Variants in PODXL observed in about 807,000 individuals in gnomAD.
PODXL encodes podocalyxin.
Under a neutral mutation model 48.9 loss-of-function variants are expected in PODXL, and 20 were observed. The ratio of observed to expected loss-of-function variants is 0.41; its 90% CI spans 0.29 to 0.59. The LOEUF is 0.59. Among genes scored for constraint, PODXL ranks in the 20% least tolerant of loss-of-function variants. The pLI, the probability that PODXL is intolerant of heterozygous loss-of-function variation, is 0.31. For synonymous variants in PODXL, 295 were observed against 287.4 expected (o/e 1.03, Z -0.27); for missense variants, 606 against 675.1 (o/e 0.90, Z 1.13).
chr7:131,556,488 C>T lies in PODXL; in HGVS notation c.-129G>A. The T allele has an allele frequency of 8.9e-7, 1 of 1,123,540 alleles. No homozygotes were observed. The highest frequency in any genetic ancestry group is 1.1e-6 in the Non-Finnish European group (1 of 886,242). The allele number at this position is 1,123,540 out of a possible 1,614,324, so 69.6% of individuals were successfully genotyped here. ...TGGCTCCGGAGGCCAGGCTGTGGCC[C>T]GGGGCTCCCGAGTCGCGCTGCGGCG... is the stretch of plus-strand genomic sequence containing the variant. On this transcript the variant is annotated 5_prime_UTR_variant, in exon 1 of 9. Coordinates refer to ENST00000378555, the MANE Select transcript of PODXL (RefSeq NM_001018111.3).
intron 1 of PODXL, among the ~76,000 whole-genome samples, chr7:131,527,892 G>A (rs955084873): frequency 4.7e-5 from 7 of 147,972 alleles, no homozygotes; most frequent in African/African-American, 1.8e-4. Context: ...TCACTGGATA[G>A]TCAGACACTT....
intron 8 of PODXL, 32 bp downstream of exon 8, chr7:131,505,814 GTTCCTCTGGTGACCTGGGCTGC>G: frequency 6.7e-7 from 1 of 1,483,768 alleles, no homozygotes. Context: ...CGAGGGGAGG[GTTCCTCTGGTGACCTGGGCTGC>G]TTCCCCTGTG....
intron 1 of PODXL, among the ~76,000 whole-genome samples, chr7:131,554,897 G>A (rs2116878100): frequency 6.6e-6 from 1 of 152,308 alleles, no homozygotes; most frequent in East Asian, 1.9e-4. Flanking sequence ...TGCATGTCGT[G>A]TGGCTCTTCA....
chr7:131,511,160 C>T lies in PODXL; in HGVS notation c.374G>A (p.Ser125Asn), dbSNP rs1446271140. Residue 125 changes from serine to asparagine, a missense_variant, in exon 2 of 9, where the codon AGC becomes AAC. Transcript: ENST00000378555. ...TGTAGTGGTGTCTGCACTTTTTGTG[C>T]TCTTGGGGCTCTCGATGGTGGTAGT... ...NPTTTIESPK[S>N]TKSADTTTVA... 1 of 1,613,860 alleles carries T rather than the reference C, an allele frequency of 6.2e-7. No homozygotes were observed. The highest frequency in any genetic ancestry group is 1.1e-5 in the South Asian group (1 of 91,028).
chr7:131,506,132 C>A (rs1797796387), intron 7 of PODXL, 97 bp from the exon 8 acceptor site: 3 of 1,546,064 alleles, frequency 1.9e-6, no homozygotes, highest in African/African-American at 1.4e-5. Context: ...CTGCTAGGGT[C>A]CGTGCCGCCG....
At position 131,550,448 on chromosome 7, in the gene PODXL, C is replaced by A. The variant is rs190460891; in HGVS notation, c.100+5812G>T. On this transcript the variant is annotated intron_variant, in intron 1 of 8. Coordinates refer to ENST00000378555, the MANE Select transcript of PODXL (RefSeq NM_001018111.3). ...GGTGGGCAGATCACTCAAGGTTAGG[C>A]GTTCAAGACCAGCCTGGCCAACATG... 9.9e-5 allele frequency among the ~76,000 whole-genome samples: 15 copies of A among 152,130 alleles called. No homozygotes were observed. The South Asian group carries it at 3.1e-3, about 32-fold the overall frequency.
In PODXL at chr7:131,500,316, A is replaced by ATATT. The variant is rs1797677903; in HGVS notation, c.*3991_*3994dup. The ATATT allele has an allele frequency of 6.6e-6, 1 of 152,612 alleles. No homozygotes were observed. The highest frequency in any genetic ancestry group is 1.5e-5 in the Non-Finnish European group (1 of 68,036). 9.5% of individuals were successfully genotyped at this position (152,612 alleles called of 1,614,324 possible). A position where few individuals can be genotyped will look rare whatever the true frequency, so the allele number is the denominator to read the frequency against. The stretch of plus-strand genomic sequence containing the variant: ...TTGACAGTATACAATTTTCCAAAAT[A>ATATT]TATTTTTGTAAGAAAATGCAATAAT... On this transcript the variant is annotated 3_prime_UTR_variant, in exon 9 of 9. Coordinates refer to ENST00000378555, the MANE Select transcript of PODXL (RefSeq NM_001018111.3).
At position 131,502,363 on chromosome 7, in the gene PODXL, G is replaced by A. The variant is rs1797720485; in HGVS notation, c.*1948C>T. 6.6e-6 allele frequency: 1 copy of A among 152,202 alleles called. No homozygotes were observed. The highest frequency in any genetic ancestry group is 1.5e-5 in the Non-Finnish European group (1 of 68,078). The allele number at this position is 152,202 out of a possible 1,614,324, so 9.4% of individuals were successfully genotyped here. A position where few individuals can be genotyped will look rare whatever the true frequency, so the allele number is the denominator to read the frequency against. ...GGGCAGATGTTTTTGGAACTTGTTA[G>A]CCTCGCATCCCTCTAACTCCTGGGA... On this transcript the variant is annotated 3_prime_UTR_variant, in exon 9 of 9. Transcript: ENST00000378555.
chr7:131,523,389 A>G (rs1234818515), intron 1 of PODXL, among the ~76,000 whole-genome samples: 1 of 152,208 alleles, frequency 6.6e-6, no homozygotes, highest in African/African-American at 2.4e-5. Flanking sequence ...GCAAAATAAG[A>G]AAAACCATAT....
At chr7:131,554,584 T>G (rs759806338) in intron 1 of PODXL, among the ~76,000 whole-genome samples, 2 of 152,196 alleles carry the variant, frequency 1.3e-5, no homozygotes, top group African/African-American at 4.8e-5. Flanking sequence ...GTGCCATCCT[T>G]GAAGCCAGCA....
At chr7:131,511,538 G>C in intron 1 of PODXL, 105 bp from the exon 2 acceptor site, 1 of 1,207,622 alleles carries the variant, frequency 8.3e-7, no homozygotes, top group Non-Finnish European at 1.2e-6. Flanking sequence ...CAGCCCTGCT[G>C]TCTGCCTTGC....
chr7:131,503,146 C>G lies in PODXL; in HGVS notation c.*1165G>C, dbSNP rs1797737796. ...TAGAAAACAACTATAACAAAACTCTCAGCAACTTGAAATGTCCCTGAGTTT... is the reference window on the plus strand; with the variant it reads ...TAGAAAACAACTATAACAAAACTCTGAGCAACTTGAAATGTCCCTGAGTTT... On this transcript the variant is annotated 3_prime_UTR_variant, in exon 9 of 9. Transcript: ENST00000378555. 6.5e-6 allele frequency: 1 copy of G among 152,698 alleles called. No homozygotes were observed. Among genetic ancestry groups the G allele is most frequent in the Non-Finnish European group, 1.5e-5 (1 of 68,082 alleles). The allele number at this position is 152,698 out of a possible 1,614,324, so 9.5% of individuals were successfully genotyped here.
At chr7:131,528,401 C>A (rs186754164) in intron 1 of PODXL, among the ~76,000 whole-genome samples, 2 of 152,138 alleles carry the variant, frequency 1.3e-5, no homozygotes, top group African/African-American at 4.8e-5. Flanking sequence ...GAAATAGGAA[C>A]GTGAACCTCT....
chr7:131,523,705 A>G (rs1300812560), intron 1 of PODXL, among the ~76,000 whole-genome samples: 3 of 145,938 alleles, frequency 2.1e-5, no homozygotes, highest in African/African-American at 7.9e-5. Flanking sequence ...AAAAAAAACA[A>G]GAAAAGAAAA....
intron 4 of PODXL, 59 bp from the exon 5 acceptor site, chr7:131,509,087 C>T: frequency 4.2e-6 from 6 of 1,418,614 alleles, no homozygotes; most frequent in South Asian, 1.1e-5. Context: ...TTTGACATTT[C>T]CCCCCAACTA....
rs73722858 is a variant in PODXL, at chr7:131,548,571, A to G, written c.100+7689T>C. Among the ~76,000 whole-genome samples the G allele has an allele frequency of 6.1e-3, 933 of 152,300 alleles. 6 individuals are homozygous for G. The highest frequency in any genetic ancestry group is 0.021 in the African/African-American group (881 of 41,560). On this transcript the variant is annotated intron_variant, in intron 1 of 8. Transcript: ENST00000378555. ...GCTGGAACTCCAGCAGCCACCTTGGACCACGAGGCCACGTGTGAATGATGG... is the reference window on the plus strand; with the variant it reads ...GCTGGAACTCCAGCAGCCACCTTGGGCCACGAGGCCACGTGTGAATGATGG...
At chr7:131,516,339 G>A (rs2116803021) in intron 1 of PODXL, among the ~76,000 whole-genome samples, 1 of 152,324 alleles carries the variant, frequency 6.6e-6, no homozygotes, top group Admixed American at 6.5e-5. Flanking sequence ...GGGAGTTTGA[G>A]ACCAGCCTGG....
At chr7:131,545,023 A>T (rs1798550095) in intron 1 of PODXL, among the ~76,000 whole-genome samples, 5 of 152,172 alleles carry the variant, frequency 3.3e-5, no homozygotes, top group Admixed American at 3.3e-4. Flanking sequence ...GATCTAAAAC[A>T]GCACCGTGAT....
At chr7:131,519,577 T>TTGG (rs1798061457) in intron 1 of PODXL, among the ~76,000 whole-genome samples, 1 of 150,978 alleles carries the variant, frequency 6.6e-6, no homozygotes, top group Non-Finnish European at 1.5e-5. Context: ...TGCCAAAAAG[T>TTGG]CTTTGGAGAG....
Sources: allele counts gnomAD v4.1 joint callset (sites outside exome capture counted in the v4.1 genomes callset), GRCh38; gene constraint gnomAD v4.1.1; transcripts MANE v1.5; gene names NCBI Gene and HGNC (gene_info 2026-07-23, HGNC 2026-07-21).